Variants in BCAR3 observed in about 807,000 individuals in gnomAD.
BCAR3 encodes the protein BCAR3 adaptor protein, NSP family member, also known as breast cancer anti-estrogen resistance protein 3.
Under a neutral mutation model 80.1 loss-of-function variants are expected in BCAR3, and 37 were observed. The ratio of observed to expected loss-of-function variants is 0.46; its 90% confidence interval spans 0.36 to 0.61. BCAR3 has a LOEUF of 0.61. BCAR3 is among the 20% of genes least tolerant of loss of function. BCAR3 has a pLI of 0.00. For missense variants in BCAR3, 978 were observed against 1,068.2 expected (o/e 0.92, Z 1.18); for synonymous variants, 389 against 418.9 (o/e 0.93, Z 0.87).
At chr1:93,618,864 C>T (rs778657456) in intron 3 of BCAR3, among the ~76,000 whole-genome samples, 4 of 151,796 alleles carry the variant, frequency 2.6e-5, no homozygotes, top group Non-Finnish European at 5.9e-5. Context: ...TTGTCCAATC[C>T]GCTTTACTAT....
chr1:93,830,892 A>G (rs561871050), intron 2 of BCAR3, among the ~76,000 whole-genome samples: 3 of 152,178 alleles, frequency 2.0e-5, no homozygotes, highest in African/African-American at 7.2e-5. Context: ...CAAATTGGGT[A>G]AGTGGTCTTT....
chr1:93,576,096 T>C lies in BCAR3; in HGVS notation c.1720A>G (p.Arg574Gly), dbSNP rs747069441. 5.0e-6 allele frequency: 8 copies of C among 1,614,050 alleles called. No homozygotes were observed. The African/African-American group carries it at 8.0e-5, about 16-fold the overall frequency. The change falls in exon 8 of 12, where the codon AGG (arginine) becomes GGG (glycine). Residue 574 changes from arginine to glycine, a missense_variant. Arg to Gly is a moderately radical substitution (Grantham distance 125). Transcript: ENST00000260502. Reference sequence around the variant, plus strand: ...CCTGAGCTCACCCCCATGTTCCTCCTCATCTCTTCAGAGACTCCAAGTATC... The same window carrying C: ...CCTGAGCTCACCCCCATGTTCCTCCCCATCTCTTCAGAGACTCCAAGTATC... ...ARILGVSEEM[R>G]RNMGVSSGLE...
At chr1:93,655,696 C>T (rs1247588781) in intron 2 of BCAR3, among the ~76,000 whole-genome samples, 1 of 152,252 alleles carries the variant, frequency 6.6e-6, no homozygotes, top group Non-Finnish European at 1.5e-5. Context: ...CATATGACTG[C>T]TGCCACACAA....
chr1:93,582,935 T>G lies in BCAR3; in HGVS notation c.1052A>C (p.Gln351Pro). ...YLPIGCKLPP[Q>P]SSGVDTSPCP... is the part of the protein sequence containing the mutation. The stretch of plus-strand genomic sequence containing the variant: ...GGGGCTTGTGTCCACACCCGAGGAC[T>G]GAGGTGGCAGCTTGCAGCCTGTGGG... Residue 351 changes from glutamine (Q) to proline (P), a missense_variant, in exon 7 of 12, where the codon CAG becomes CCG. Physicochemically the swap from Gln to Pro is moderately conservative, Grantham distance 76. Coordinates refer to ENST00000260502, the MANE Select transcript of BCAR3 (RefSeq NM_003567.4). The G allele has an allele frequency of 6.3e-7, 1 of 1,591,786 alleles. No homozygotes were observed. Among genetic ancestry groups the G allele is most frequent in the Non-Finnish European group, 8.5e-7 (1 of 1,171,980 alleles).
intron 2 of BCAR3, among the ~76,000 whole-genome samples, chr1:93,782,277 G>A (rs1190041883): frequency 1.3e-5 from 2 of 152,190 alleles, no homozygotes; most frequent in African/African-American, 2.4e-5. Flanking sequence ...TCCCTCCTGT[G>A]AGCAGTAATG....
chr1:93,605,085 A>G (rs1385049907), intron 3 of BCAR3, among the ~76,000 whole-genome samples: 2 of 152,218 alleles, frequency 1.3e-5, no homozygotes, highest in Non-Finnish European at 2.9e-5. Context: ...CCACGCTGAA[A>G]GCCCTGGCGG....
At chr1:93,689,263 G>A (rs1649084128) in intron 3 of BCAR3, among the ~76,000 whole-genome samples, 2 of 152,094 alleles carry the variant, frequency 1.3e-5, no homozygotes. Context: ...GAGGCCAGTG[G>A]ATCACCTGAG....
chr1:93,594,071 T>C (rs1210678380), intron 3 of BCAR3, among the ~76,000 whole-genome samples: 1 of 152,226 alleles, frequency 6.6e-6, no homozygotes, highest in African/African-American at 2.4e-5. Flanking sequence ...GAGTGTGGAA[T>C]GCAGTTTGTC....
intron 3 of BCAR3, among the ~76,000 whole-genome samples, chr1:93,613,007 A>T (rs1429824256): frequency 6.6e-6 from 1 of 152,240 alleles, no homozygotes; most frequent in Non-Finnish European, 1.5e-5. Flanking sequence ...ACCCTGCTGC[A>T]GCCTTTTCAA....
chr1:93,757,424 G>C (rs1041056506), intron 2 of BCAR3, among the ~76,000 whole-genome samples: 2 of 152,174 alleles, frequency 1.3e-5, no homozygotes, highest in African/African-American at 2.4e-5. Context: ...CACCAATTCC[G>C]AGGCCAACTT....
At chr1:93,782,264 G>C (rs1169870398) in intron 2 of BCAR3, among the ~76,000 whole-genome samples, 1 of 152,176 alleles carries the variant, frequency 6.6e-6, no homozygotes. Flanking sequence ...TCATCTTGGG[G>C]TGTCCCTCCT....
intron 3 of BCAR3, among the ~76,000 whole-genome samples, chr1:93,624,508 C>G (rs1304779277): frequency 6.6e-6 from 1 of 152,228 alleles, no homozygotes; most frequent in Non-Finnish European, 1.5e-5. Flanking sequence ...CCTTAAGAAG[C>G]CCTAGCTCCA....
chr1:93,728,225 C>G (rs1650659357), intron 2 of BCAR3, among the ~76,000 whole-genome samples: 1 of 152,224 alleles, frequency 6.6e-6, no homozygotes, highest in Non-Finnish European at 1.5e-5. Context: ...CTTTGTCCCC[C>G]TCGCAGGGCG....
At chr1:93,641,229 C>T (rs1675967885) in intron 3 of BCAR3, among the ~76,000 whole-genome samples, 1 of 152,236 alleles carries the variant, frequency 6.6e-6, no homozygotes, top group African/African-American at 2.4e-5. Flanking sequence ...CCAAGTGGTT[C>T]TACTGGAGCT....
intron 3 of BCAR3, among the ~76,000 whole-genome samples, chr1:93,611,479 A>C (rs942305767): frequency 2.6e-5 from 4 of 152,182 alleles, no homozygotes; most frequent in African/African-American, 9.6e-5. Context: ...CCCCAGAAAA[A>C]AGATCCAGTA....
rs372412566 is a variant in BCAR3 at position 93,838,370 on chromosome 1, T to C, written c.-63+7197A>G. ...CCCACTCCCTGGAAACCAATCCATA[T>C]CCATGAGAAGTAATCCAGTCTAGCA... On this transcript the variant is annotated intron_variant, in intron 2 of 13. Coordinates refer to the BCAR3 transcript ENST00000370244. Among the ~76,000 whole-genome samples the C allele has an allele frequency of 2.0e-5, 3 of 152,284 alleles. No homozygotes were observed. In the East Asian group the frequency reaches 5.8e-4, roughly 29 times the overall value.
intron 2 of BCAR3, among the ~76,000 whole-genome samples, chr1:93,745,416 T>C (rs1003473441): frequency 4.6e-5 from 7 of 152,234 alleles, no homozygotes; most frequent in African/African-American, 1.7e-4. Flanking sequence ...CACAGGCCCT[T>C]GTGATTATTC....
intron 2 of BCAR3, among the ~76,000 whole-genome samples, chr1:93,762,430 A>C (rs577381830): frequency 1.3e-4 from 20 of 152,282 alleles, no homozygotes; most frequent in Admixed American, 1.2e-3. Context: ...CAGAACTCAG[A>C]ACCATTCTGC....
intron 3 of BCAR3, among the ~76,000 whole-genome samples, chr1:93,615,272 T>C (rs748759656): frequency 1.1e-4 from 16 of 152,142 alleles, no homozygotes; most frequent in Non-Finnish European, 2.1e-4. Context: ...CGGGAGACCT[T>C]GGCCTTTGGA....
Sources: gnomAD v4.1 joint callset for allele counts (sites outside exome capture counted in the v4.1 genomes callset) on GRCh38, gnomAD v4.1.1 for gene constraint, MANE v1.5 for transcripts, NCBI Gene and HGNC (gene_info 2026-07-23, HGNC 2026-07-21) for gene names.